ZNF346: variants seen among roughly 807,000 people sequenced by gnomAD.
ZNF346 encodes double-stranded RNA-binding zinc finger protein JAZ.
Under a neutral mutation model 33.7 loss-of-function variants are expected in ZNF346, and 23 were observed. The observed-to-expected ratio is 0.68, with a 90% CI of 0.49 to 0.97. The LOEUF (loss-of-function observed/expected upper bound fraction) is 0.97, where lower values mean the gene tolerates loss of function less well. Among genes scored for constraint, ZNF346 ranks in the 50% least tolerant of loss-of-function variants. The pLI is 0.00. For synonymous variants in ZNF346, 134 were observed against 142.4 expected, an observed-to-expected ratio of 0.94 and a Z score of 0.42; for missense variants, 340 against 371.1, an observed-to-expected ratio of 0.92 and a Z score of 0.69.
At chr5:177,048,393 G>A (rs1269754677) in intron 4 of ZNF346, among the ~76,000 whole-genome samples, 1 of 152,126 alleles carries the variant, frequency 6.6e-6, no homozygotes, top group Admixed American at 6.6e-5. Context: ...AGGCTGAGGC[G>A]GGTGGATCAC....
chr5:177,071,693 A>G (rs1783513288), downstream of ZNF346, among the ~76,000 whole-genome samples: 1 of 117,020 alleles, frequency 8.5e-6, no homozygotes, highest in Non-Finnish European at 1.7e-5. Context: ...TCAAAAAAAA[A>G]AAAAGAAGAA....
At chr5:177,055,113 G>A (rs967365528) in intron 5 of ZNF346, among the ~76,000 whole-genome samples, 6 of 147,640 alleles carry the variant, frequency 4.1e-5, no homozygotes, top group African/African-American at 1.3e-4. Flanking sequence ...GGCTCACCGC[G>A]ACCTCTGCCT....
At chr5:177,026,027 G>A (rs1474865826) in intron 1 of ZNF346, among the ~76,000 whole-genome samples, 1 of 150,162 alleles carries the variant, frequency 6.7e-6, no homozygotes, top group African/African-American at 2.5e-5. Context: ...GTCTCACCCT[G>A]TCACCCAGGC....
At chr5:177,031,998 C>CTTTTTTTTT (rs34021834) in intron 1 of ZNF346, among the ~76,000 whole-genome samples, 14 of 67,846 alleles carry the variant, frequency 2.1e-4, no homozygotes, top group Non-Finnish European at 3.3e-4. Flanking sequence ...TTTCTTTTTT[C>CTTTTTTTTT]TTTTTTTTTT....
downstream of ZNF346, among the ~76,000 whole-genome samples, chr5:177,069,676 A>T (rs901980858): frequency 6.6e-5 from 10 of 151,692 alleles, no homozygotes; most frequent in African/African-American, 2.4e-4. Context: ...GACTACAGGC[A>T]CATGCCACCA....
chr5:177,080,561 C>T (rs1357899313), exon 9 of ZNF346: 1 of 152,254 alleles, frequency 6.6e-6, no homozygotes, highest in East Asian at 1.9e-4. Context: ...CCTATAATCC[C>T]AGCCCTTTGG....
At chr5:177,064,415 A>G (rs1782935532) in intron 6 of ZNF346, 97 bp from the exon 7 acceptor site, 1 of 954,164 alleles carries the variant, frequency 1.0e-6, no homozygotes, top group Non-Finnish European at 1.7e-6. Context: ...TGTCCTGTCT[A>G]TTACTCCAAG....
At chr5:177,051,244 G>A (rs544102254) in intron 5 of ZNF346, among the ~76,000 whole-genome samples, 92 of 135,532 alleles carry the variant, frequency 6.8e-4, no homozygotes, top group African/African-American at 1.3e-3. Flanking sequence ...GCGCGATCTC[G>A]GCTTACTGCA....
chr5:177,054,508 C>T (rs1781406288), intron 5 of ZNF346, among the ~76,000 whole-genome samples: 2 of 152,224 alleles, frequency 1.3e-5, no homozygotes, highest in South Asian at 2.1e-4. Flanking sequence ...AAGCAATTCT[C>T]CTGCCTCAGC....
Position 177,057,180 on chromosome 5 carries a change from T to TG in ZNF346, c.704-4875dup, listed in dbSNP as rs1272267919. Among the ~76,000 whole-genome samples the TG allele has an allele frequency of 2.0e-5, 3 of 151,674 alleles. No individual in the cohort carries two copies. The East Asian group carries it at 5.8e-4, about 30-fold the overall frequency. On this transcript the variant is annotated intron_variant, in intron 5 of 6. Coordinates refer to ENST00000358149, the MANE Select transcript of ZNF346 (RefSeq NM_012279.4). ...ACAAAAAATTAGCCGGGTGTGGTGGTGGGCGCCTGTAATCCCAGCAGGAGA... is the reference window on the plus strand; with the variant it reads ...ACAAAAAATTAGCCGGGTGTGGTGGTGGGGCGCCTGTAATCCCAGCAGGAGA...
intron 5 of ZNF346, among the ~76,000 whole-genome samples, chr5:177,057,138 C>T (rs1781798661): frequency 6.6e-6 from 1 of 150,580 alleles, no homozygotes; most frequent in Middle Eastern, 3.3e-3. Context: ...TGGTGAAACC[C>T]CATCTCCACT....
At chr5:177,046,223 C>T (rs1470351606) in intron 4 of ZNF346, among the ~76,000 whole-genome samples, 1 of 151,344 alleles carries the variant, frequency 6.6e-6, no homozygotes, top group Non-Finnish European at 1.5e-5. Flanking sequence ...ATCGCTTGAA[C>T]CCGGGAGCTG....
chr5:177,059,427 A>C (rs749046137), intron 5 of ZNF346, among the ~76,000 whole-genome samples: 4 of 152,196 alleles, frequency 2.6e-5, no homozygotes, highest in Admixed American at 6.5e-5. Context: ...AGGGTATCCA[A>C]ATCCCACCAG....
chr5:177,071,304 G>C (rs569553088), downstream of ZNF346, among the ~76,000 whole-genome samples: 10 of 152,112 alleles, frequency 6.6e-5, no homozygotes, highest in Non-Finnish European at 8.8e-5. Context: ...GGAGGCTGAG[G>C]CAGGAGGATC....
intron 1 of ZNF346, among the ~76,000 whole-genome samples, chr5:177,039,322 T>TA (rs1779025544): frequency 6.6e-6 from 1 of 152,026 alleles, no homozygotes; most frequent in Admixed American, 6.6e-5. Context: ...AATGCAGAAA[T>TA]AAAAAGAGAT....
At chr5:177,023,190 TC>T in intron 1 of ZNF346, 1 of 1,536,666 alleles carries the variant, frequency 6.5e-7, no homozygotes, top group African/African-American at 1.4e-5. Flanking sequence ...AGGACTGTCA[TC>T]CCTATACTCG....
chr5:177,035,123 T>C (rs1778295327), intron 1 of ZNF346, among the ~76,000 whole-genome samples: 1 of 152,026 alleles, frequency 6.6e-6, no homozygotes. Flanking sequence ...TTCAAGTGAT[T>C]CTTGTGCCTC....
intron 1 of ZNF346, among the ~76,000 whole-genome samples, chr5:177,034,262 A>T (rs10052359): frequency 6.7e-6 from 1 of 149,844 alleles, no homozygotes; most frequent in African/African-American, 2.5e-5. Context: ...ATGGAGGCTG[A>T]AGTGCAGTGG....
intron 4 of ZNF346, among the ~76,000 whole-genome samples, chr5:177,047,348 T>G (rs1780213017): frequency 6.6e-6 from 1 of 151,402 alleles, no homozygotes; most frequent in South Asian, 2.1e-4. Context: ...TTGTTTTTTT[T>G]TTTTTTTGAG....
Sources: gnomAD v4.1 joint callset for allele counts (sites outside exome capture counted in the v4.1 genomes callset) on GRCh38, gnomAD v4.1.1 for gene constraint, MANE v1.5 for transcripts, NCBI Gene and HGNC (gene_info 2026-07-23, HGNC 2026-07-21) for gene names.